The following CSNK1G2 variants were observed in gnomAD, a reference collection of about 807,000 sequenced individuals.
The protein encoded by CSNK1G2 is casein kinase I isoform gamma-2.
Under a neutral mutation model 48.0 loss-of-function variants are expected in CSNK1G2, and 11 were observed. The observed-to-expected ratio is 0.23, with a 90% confidence interval of 0.14 to 0.38. CSNK1G2 has a LOEUF of 0.38. Among genes scored for constraint, CSNK1G2 ranks in the 10% least tolerant of loss-of-function variants. The pLI, the probability that CSNK1G2 is intolerant of heterozygous loss-of-function variation, is 1.00. For missense variants in CSNK1G2, 446 were observed against 595.5 expected, an observed-to-expected ratio of 0.75 and a Z score of 2.61; for synonymous variants, 337 against 254.1, an observed-to-expected ratio of 1.33 and a Z score of -3.10.
At chr19:1,967,205 G>A (rs1048008705) in intron 1 of CSNK1G2, among the ~76,000 whole-genome samples, 3 of 152,200 alleles carry the variant, frequency 2.0e-5, no homozygotes, top group Admixed American at 1.3e-4. Context: ...GCACCGGAAC[G>A]CAGGGGCCAC....
At position 1,969,641 on chromosome 19, in the gene CSNK1G2, C is replaced by T. The variant is rs2015497051; in HGVS notation, c.-132C>T. ...ACGCCTGCGTCTCAGTAGCTGGGAG[C>T]CACGGGCCCACGCCCGCCCACCGGC... is the stretch of plus-strand genomic sequence containing the variant. On this transcript the variant is annotated 5_prime_UTR_variant, in exon 2 of 12. Coordinates refer to ENST00000255641, the MANE Select transcript of CSNK1G2 (RefSeq NM_001319.7). 1 of 784,298 alleles carries T rather than the reference C, an allele frequency of 1.3e-6. No individual in the cohort carries two copies. Among genetic ancestry groups the T allele is most frequent in the Non-Finnish European group, 1.8e-6 (1 of 567,914 alleles). 48.6% of individuals were successfully genotyped at this position (784,298 alleles called of 1,614,324 possible).
intron 1 of CSNK1G2, among the ~76,000 whole-genome samples, chr19:1,965,567 C>T (rs1374913050): frequency 1.3e-5 from 2 of 152,008 alleles, no homozygotes; most frequent in Middle Eastern, 3.2e-3. Flanking sequence ...GTAGCACGAT[C>T]TTGGCTCACT....
rs527632378 is a variant in CSNK1G2, at chr19:1,968,633, C to G, written c.-265-875C>G. Among the ~76,000 whole-genome samples the G allele has an allele frequency of 1.3e-4, 20 of 152,308 alleles. No homozygotes were observed. In the East Asian group the frequency reaches 3.9e-3, roughly 29 times the overall value. Reference sequence around the variant, plus strand: ...TCAGCGAGGGGCTGTGGGCTGGGGTCCCACCATCCCGGGAGCAGGGACTGC... The same window carrying G: ...TCAGCGAGGGGCTGTGGGCTGGGGTGCCACCATCCCGGGAGCAGGGACTGC... On this transcript the variant is annotated intron_variant, in intron 1 of 11. Transcript: ENST00000255641.
At chr19:1,979,424 C>CG in intron 8 of CSNK1G2, 21 bp downstream of exon 8, 1 of 1,538,534 alleles carries the variant, frequency 6.5e-7, no homozygotes, top group Non-Finnish European at 8.8e-7. Context: ...CCTGCGCCCC[C>CG]GCCCTGTGCC....
chr19:1,975,747 G>GGGGCAGTGTCCTGAGCTCT, intron 2 of CSNK1G2: 1 of 984,764 alleles, frequency 1.0e-6, no homozygotes, highest in Non-Finnish European at 1.2e-6. Flanking sequence ...CTAAAACTTC[G>GGGGCAGTGTCCTGAGCTCT]AAATCTGACC....
At chr19:1,959,918 C>T (rs892031758) in intron 1 of CSNK1G2, among the ~76,000 whole-genome samples, 2 of 148,470 alleles carry the variant, frequency 1.3e-5, no homozygotes, top group African/African-American at 4.9e-5. Context: ...TGGGTCCCCA[C>T]ATCCCTGGCT....
At chr19:1,945,389 C>T (rs1041816272) in intron 1 of CSNK1G2, among the ~76,000 whole-genome samples, 12 of 152,244 alleles carry the variant, frequency 7.9e-5, no homozygotes, top group African/African-American at 2.9e-4. Flanking sequence ...AACGTGTCCC[C>T]TGCACAGGGA....
At chr19:1,947,730 A>G (rs1435690194) in intron 1 of CSNK1G2, among the ~76,000 whole-genome samples, 1 of 152,148 alleles carries the variant, frequency 6.6e-6, no homozygotes, top group Non-Finnish European at 1.5e-5. Context: ...TTGCGACCGC[A>G]GGGGTGGTGT....
chr19:1,961,192 G>A (rs1295372390), intron 1 of CSNK1G2, among the ~76,000 whole-genome samples: 4 of 152,218 alleles, frequency 2.6e-5, no homozygotes, highest in African/African-American at 4.8e-5. Context: ...TGGCCGTCGC[G>A]GTTGTGGCAT....
chr19:1,956,876 G>A (rs534805539), intron 1 of CSNK1G2, among the ~76,000 whole-genome samples: 23 of 152,206 alleles, frequency 1.5e-4, no homozygotes, highest in Non-Finnish European at 3.1e-4. Context: ...GCTCAGCCTC[G>A]ATGAACCTGG....
chr19:1,950,520 G>A lies in CSNK1G2; in HGVS notation c.-266+9102G>A, dbSNP rs1035746519. Among the ~76,000 whole-genome samples the A allele has an allele frequency of 6.1e-5, 9 of 147,068 alleles. 2 individuals carry two copies. The highest frequency in any genetic ancestry group is 5.4e-4 in the Admixed American group (8 of 14,702). ...CATTACAGCAACATCTGAAGAAGAT[G>A]TTCTTTCACAAACCTCAGATTCCAG... On this transcript the variant is annotated intron_variant, in intron 1 of 11. Coordinates refer to ENST00000255641, the MANE Select transcript of CSNK1G2 (RefSeq NM_001319.7).
Position 1,979,823 on chromosome 19 carries a change from C to T in CSNK1G2, c.1074C>T (p.His358=). The T allele has an allele frequency of 6.2e-7, 1 of 1,606,282 alleles. No individual in the cohort carries two copies. Among genetic ancestry groups the T allele is most frequent in the Non-Finnish European group, 8.5e-7 (1 of 1,177,254 alleles). The change falls in exon 10 of 12, where the codon CAC becomes CAT. Residue 358 remains histidine (H), a synonymous_variant. Coordinates refer to ENST00000255641, the MANE Select transcript of CSNK1G2 (RefSeq NM_001319.7). ...QPQLRDKTQP[H]SKNQALNSTN... ...AGCTCCGGGACAAAACCCAGCCGCA[C>T]AGCAAAAACCAGGTGAGGCCCGGGC...
intron 1 of CSNK1G2, among the ~76,000 whole-genome samples, chr19:1,965,645 T>G (rs2015342809): frequency 6.6e-6 from 1 of 151,950 alleles, no homozygotes; most frequent in South Asian, 2.1e-4. Flanking sequence ...GGGCTACAGG[T>G]GCGTGCCACC....
At chr19:1,945,173 C>G in intron 1 of CSNK1G2, among the ~76,000 whole-genome samples, 1 of 152,222 alleles carries the variant, frequency 6.6e-6, no homozygotes, top group East Asian at 1.9e-4. Context: ...CCTGCACCAG[C>G]CTGTGCGCCC....
rs2015935310 is a variant in CSNK1G2, at chr19:1,980,215, T to C, written c.*12T>C. ...AGCGACACAAGTGACCCTGGGCGCG[T>C]GCAGCCCCCTGAATCTTCTCCGTGC... is the stretch of plus-strand genomic sequence containing the variant. On this transcript the variant is annotated 3_prime_UTR_variant, in exon 12 of 12. Coordinates refer to ENST00000255641, the MANE Select transcript of CSNK1G2 (RefSeq NM_001319.7). The C allele has an allele frequency of 1.2e-6, 2 of 1,612,704 alleles. No individual in the cohort carries two copies. Among genetic ancestry groups the C allele is most frequent in the South Asian group, 2.2e-5 (2 of 91,084 alleles).
chr19:1,954,069 G>A lies in CSNK1G2; in HGVS notation c.-266+12651G>A, dbSNP rs1176991527. ...TTCACTCCTCAGCTTCCTCCCATGG[G>A]GTGGGCGGCTTCCCTCCTCTCCCTG... On this transcript the variant is annotated intron_variant, in intron 1 of 11. Coordinates refer to ENST00000255641, the MANE Select transcript of CSNK1G2 (RefSeq NM_001319.7). 3 of 507,782 alleles carry A rather than the reference G, an allele frequency of 5.9e-6. No individual in the cohort carries two copies. The East Asian group carries it at 1.7e-4, about 28-fold the overall frequency. The allele number at this position is 507,782 out of a possible 1,614,324, so 31.5% of individuals were successfully genotyped here.
intron 1 of CSNK1G2, chr19:1,953,010 G>T: frequency 2.4e-6 from 1 of 412,174 alleles, no homozygotes; most frequent in South Asian, 1.8e-5. Flanking sequence ...GCGAGACTCC[G>T]TCTGAAAAAA....
chr19:1,941,689 C>T (rs942181132), intron 1 of CSNK1G2, among the ~76,000 whole-genome samples: 1 of 149,468 alleles, frequency 6.7e-6, no homozygotes, highest in Admixed American at 6.6e-5. Flanking sequence ...CGCTCAGGAC[C>T]TCCGGACACA....
chr19:1,981,317 A>C lies in CSNK1G2; in HGVS notation c.*1114A>C, dbSNP rs1317230929. 1 of 152,214 alleles carries C rather than the reference A, an allele frequency of 6.6e-6. No individual in the cohort carries two copies. The highest frequency in any genetic ancestry group is 1.5e-5 in the Non-Finnish European group (1 of 68,030). 9.4% of individuals were successfully genotyped at this position (152,214 alleles called of 1,614,324 possible). The stretch of plus-strand genomic sequence containing the variant: ...AGAATTTAGGGGCTTTTTTAAAAAA[A>C]TAAAAGAAAAATGAAACCAAACCCA... On this transcript the variant is annotated 3_prime_UTR_variant, in exon 12 of 12. Transcript: ENST00000255641.
Sources: gnomAD v4.1 joint callset for allele counts (sites outside exome capture counted in the v4.1 genomes callset) on GRCh38, gnomAD v4.1.1 for gene constraint, MANE v1.5 for transcripts, NCBI Gene and HGNC (gene_info 2026-07-23, HGNC 2026-07-21) for gene names.